Variants in DLG2 observed in about 807,000 individuals in gnomAD.
DLG2 encodes disks large homolog 2.
In DLG2, 45 loss-of-function variants were observed where a neutral mutation model predicts 132.5. The ratio of observed to expected loss-of-function variants is 0.34; its 90% CI spans 0.27 to 0.44. The LOEUF is 0.44. Ranked by LOEUF, DLG2 falls within the 20% of genes least tolerant of loss-of-function variation. The pLI, the probability that DLG2 is intolerant of heterozygous loss-of-function variation, is 1.00. For missense variants in DLG2, 1,045 were observed against 1,196.9 expected (o/e 0.87, Z 1.87); for synonymous variants, 424 against 419.6 (o/e 1.01, Z -0.13).
chr11:84,965,319 A>G (rs187644127), intron 6 of DLG2, among the ~76,000 whole-genome samples: 1 of 152,040 alleles, frequency 6.6e-6, no homozygotes, highest in East Asian at 1.9e-4. Flanking sequence ...TTTAGAAAAA[A>G]ATTATGATAT....
rs1176985152 is a variant in DLG2, at chr11:84,933,942, T to C, written c.357+177719A>G. ...AAAGGGCATCCTTTTATTGTGCCAGTTTTTACAGGGGAATGCTTTCAGCTT... is the reference window on the plus strand; with the variant it reads ...AAAGGGCATCCTTTTATTGTGCCAGCTTTTACAGGGGAATGCTTTCAGCTT... On this transcript the variant is annotated intron_variant, in intron 6 of 27. Coordinates refer to ENST00000376104, the MANE Select transcript of DLG2 (RefSeq NM_001142699.3). 2.0e-5 allele frequency among the ~76,000 whole-genome samples: 3 copies of C among 152,304 alleles called. No individual in the cohort carries two copies. In the East Asian group the frequency reaches 5.8e-4, roughly 29 times the overall value.
intron 5 of DLG2, among the ~76,000 whole-genome samples, chr11:85,133,988 G>T (rs2152416791): frequency 6.6e-6 from 1 of 152,076 alleles, no homozygotes; most frequent in South Asian, 2.1e-4. Flanking sequence ...AACAGACACA[G>T]GAGCTCAGAA....
chr11:83,714,566 A>T (rs1441492945), intron 18 of DLG2, among the ~76,000 whole-genome samples: 3 of 152,234 alleles, frequency 2.0e-5, no homozygotes, highest in Admixed American at 6.5e-5. Flanking sequence ...GAGAAGCCAT[A>T]CTAGGCTACT....
intron 3 of DLG2, among the ~76,000 whole-genome samples, chr11:85,459,438 G>C (rs894063710): frequency 1.2e-4 from 19 of 152,274 alleles, no homozygotes; most frequent in African/African-American, 4.1e-4. Flanking sequence ...CCAGACCAAG[G>C]GTAGCAGGGG....
At chr11:84,004,984 T>C (rs548095463) in intron 11 of DLG2, among the ~76,000 whole-genome samples, 239 of 144,434 alleles carry the variant, frequency 1.7e-3, no homozygotes, top group Admixed American at 2.8e-3. Flanking sequence ...GAAGCAATCC[T>C]GAGCAAAAAC....
At chr11:85,375,410 G>A (rs536119660) in intron 3 of DLG2, among the ~76,000 whole-genome samples, 1 of 152,218 alleles carries the variant, frequency 6.6e-6, no homozygotes, top group South Asian at 2.1e-4. Flanking sequence ...ACTGGGCATG[G>A]TGGCTCACGC....
At chr11:84,450,005 A>T (rs1181603953) in intron 7 of DLG2, among the ~76,000 whole-genome samples, 1 of 151,868 alleles carries the variant, frequency 6.6e-6, no homozygotes, top group Non-Finnish European at 1.5e-5. Context: ...TATGTATATC[A>T]TACTTCAAGA....
At chr11:84,798,185 T>G (rs1226162907) in intron 6 of DLG2, among the ~76,000 whole-genome samples, 2 of 152,124 alleles carry the variant, frequency 1.3e-5, no homozygotes, top group African/African-American at 4.8e-5. Context: ...CTACCACCTG[T>G]GTTCATATGA....
rs546709104 is a variant in DLG2, at chr11:83,978,329, G to A, written c.1056+2177C>T. Among the ~76,000 whole-genome samples the A allele has an allele frequency of 5.3e-5, 8 of 152,056 alleles. No homozygotes were observed. In the South Asian group the frequency reaches 1.7e-3, roughly 32 times the overall value. On this transcript the variant is annotated intron_variant, in intron 12 of 27. Transcript: ENST00000376104. ...ACTCATATGGAACCGTGAGTCAAAG[G>A]TCAAACCAGTAACTATCTAAGACAG...
chr11:85,190,259 T>C (rs931576260), intron 4 of DLG2, among the ~76,000 whole-genome samples: 3 of 152,198 alleles, frequency 2.0e-5, no homozygotes, highest in South Asian at 2.1e-4. Context: ...TCATACACAT[T>C]GTTTAAACAT....
chr11:84,463,210 C>G lies in DLG2; in HGVS notation c.519+71360G>C, dbSNP rs142981531. Among the ~76,000 whole-genome samples, 1,060 of 151,278 alleles carry G rather than the reference C, an allele frequency of 7.0e-3. 14 individuals are homozygous for G. The highest frequency in any genetic ancestry group is 0.023 in the African/African-American group (951 of 41,412). On this transcript the variant is annotated intron_variant, in intron 7 of 27. Coordinates refer to ENST00000376104, the MANE Select transcript of DLG2 (RefSeq NM_001142699.3). ...TCCAGTGCTTAATTCTTTTCTCTTA[C>G]CAGGCAGTGTCTTTTCCTCAGACAG...
chr11:84,846,445 C>T (rs2154017789), intron 6 of DLG2, among the ~76,000 whole-genome samples: 1 of 152,234 alleles, frequency 6.6e-6, no homozygotes, highest in South Asian at 2.1e-4. Flanking sequence ...ACAGGTCCTT[C>T]CAAATCTATC....
rs190744586 is a variant in DLG2, at chr11:85,533,729, C to T, written c.40+64928G>A. On this transcript the variant is annotated intron_variant, in intron 3 of 27. Coordinates refer to ENST00000376104, the MANE Select transcript of DLG2 (RefSeq NM_001142699.3). ...CCCCTTATTGGTTTGTTTGATCTAC[C>T]TCTTGTAAGAATCTATCTGGATTGT... 1.3e-4 allele frequency among the ~76,000 whole-genome samples: 20 copies of T among 152,166 alleles called. 1 individual carries two copies. The highest frequency in any genetic ancestry group is 4.1e-4 in the African/African-American group (17 of 41,522).
chr11:83,876,212 AT>A (rs1473178444), intron 15 of DLG2, among the ~76,000 whole-genome samples: 1 of 152,150 alleles, frequency 6.6e-6, no homozygotes, highest in Non-Finnish European at 1.5e-5. Context: ...AATTAAATGA[AT>A]ACAGTATTTA....
chr11:85,032,338 CAG>C (rs1210632289), intron 6 of DLG2, among the ~76,000 whole-genome samples: 2 of 152,102 alleles, frequency 1.3e-5, no homozygotes, highest in African/African-American at 2.4e-5. Flanking sequence ...CTTGCCTATC[CAG>C]AGAGAAGCAT....
Position 84,174,756 on chromosome 11 carries a change from C to G in DLG2, c.574-11245G>C, listed in dbSNP as rs1404991774. On this transcript the variant is annotated intron_variant, in intron 8 of 27. Transcript: ENST00000376104. ...TGTCCATCGAATCAAAAATATTTTT[C>G]TTATCGATACCCTGGAAATCATAAC... is the stretch of plus-strand genomic sequence containing the variant. 3.3e-5 allele frequency among the ~76,000 whole-genome samples: 5 copies of G among 152,004 alleles called. No individual in the cohort carries two copies. In the East Asian group the frequency reaches 9.6e-4, roughly 29 times the overall value.
At chr11:84,655,221 A>G (rs931646077) in intron 6 of DLG2, among the ~76,000 whole-genome samples, 1 of 152,058 alleles carries the variant, frequency 6.6e-6, no homozygotes, top group Non-Finnish European at 1.5e-5. Flanking sequence ...TCCCATTCCA[A>G]TCTCCTTTCA....
chr11:83,770,915 T>C (rs1159424651), intron 18 of DLG2, among the ~76,000 whole-genome samples: 1 of 152,164 alleles, frequency 6.6e-6, no homozygotes, highest in Non-Finnish European at 1.5e-5. Context: ...TAAACATCCA[T>C]ATGTCAGCAG....
intron 17 of DLG2, among the ~76,000 whole-genome samples, chr11:83,831,130 T>C (rs2054377837): frequency 6.6e-6 from 1 of 152,200 alleles, no homozygotes; most frequent in African/African-American, 2.4e-5. Context: ...ATTGAGGATA[T>C]AAAATCATAT....
Sources: allele counts gnomAD v4.1 joint callset (sites outside exome capture counted in the v4.1 genomes callset), GRCh38; gene constraint gnomAD v4.1.1; transcripts MANE v1.5; gene names NCBI Gene and HGNC (gene_info 2026-07-23, HGNC 2026-07-21).